The following PLD2 variants were observed in gnomAD, a reference collection of about 807,000 sequenced individuals.
PLD2 encodes the protein choline phosphatase 2.
In PLD2, 101 loss-of-function variants were observed where a neutral mutation model predicts 119.8. The observed-to-expected ratio is 0.84, with a 90% CI of 0.72 to 0.99. The LOEUF is 0.99. Ranked by LOEUF, PLD2 falls within the 50% of genes least tolerant of loss-of-function variation. PLD2 has a pLI of 0.00. For synonymous variants in PLD2, 494 were observed against 482.8 expected, an observed-to-expected ratio of 1.02 and a Z score of -0.30; for missense variants, 1,164 against 1,226.8, an observed-to-expected ratio of 0.95 and a Z score of 0.76.
At chr17:4,820,909 T>C (rs115330333) in intron 23 of PLD2, among the ~76,000 whole-genome samples, 3,776 of 140,992 alleles carry the variant, frequency 0.027, 167 homozygotes, top group African/African-American at 0.092. Flanking sequence ...TGTTTGTTTG[T>C]TTGTTTTCTT....
At position 4,822,729 on chromosome 17, in the gene PLD2, C is replaced by T. The variant is rs770400236; in HGVS notation, c.2667C>T (p.Pro889=). The change falls in exon 25 of 25, where the codon CCC becomes CCT. Residue 889 remains proline, a synonymous_variant. Coordinates refer to ENST00000263088, the MANE Select transcript of PLD2 (RefSeq NM_002663.5). ...TGGAGCCCTTGGCCACGGTCAGTCC[C>T]CCCTTGGCTCGGTCTGAGCTCACCC... The part of the protein sequence containing the change: ...VAVEPLATVS[P]PLARSELTQV... 17 of 1,613,974 alleles carry T rather than the reference C, an allele frequency of 1.1e-5. No individual in the cohort carries two copies. Among genetic ancestry groups the T allele is most frequent in the Non-Finnish European group, 1.4e-5 (17 of 1,179,828 alleles).
At position 4,821,823 on chromosome 17, in the gene PLD2, C is replaced by G; in HGVS notation, c.2493C>G (p.Asp831Glu). 1 of 1,613,982 alleles carries G rather than the reference C, an allele frequency of 6.2e-7. No individual in the cohort carries two copies. The highest frequency in any genetic ancestry group is 1.1e-5 in the South Asian group (1 of 91,086). Residue 831 changes from aspartate to glutamate, a missense_variant, in exon 24 of 25, where the codon GAC becomes GAG. By Grantham distance (45) the Asp-to-Glu change is conservative (BLOSUM62 2). Coordinates refer to ENST00000263088, the MANE Select transcript of PLD2 (RefSeq NM_002663.5). ...TTCTTGGAGCAAATACCCGGCCAGA[C>G]TTGGATCTCCGAGACCCCATCTGTG... is the stretch of plus-strand genomic sequence containing the variant. ...GVILGANTRPDLDLRDPICDD... is the reference protein window; with the variant it reads ...GVILGANTRPELDLRDPICDD...
rs918287346 is a variant in PLD2 at position 4,807,490 on chromosome 17, G to A, written c.-2+265G>A. 8 of 299,984 alleles carry A rather than the reference G, an allele frequency of 2.7e-5. No homozygotes were observed. The highest frequency in any genetic ancestry group is 5.1e-5 in the Non-Finnish European group (8 of 157,254). 18.6% of individuals were successfully genotyped at this position (299,984 alleles called of 1,614,324 possible). On this transcript the variant is annotated intron_variant, in intron 1 of 24. Coordinates refer to ENST00000263088, the MANE Select transcript of PLD2 (RefSeq NM_002663.5). This position sits in a 1 kb window ranked among gnomAD's most constrained non-coding sequence, Gnocchi z 5.4. ...CGCAGCTGCTGCGCCGCCCCAGGTC[G>A]GAGCCTTCCGGGCCTGGCTGGGTGT...
Position 4,819,672 on chromosome 17 carries a change from C to A in PLD2, c.2462+90C>A, listed in dbSNP as rs1391233961. On this transcript the variant is annotated intron_variant, in intron 23 of 24. Coordinates refer to ENST00000263088, the MANE Select transcript of PLD2 (RefSeq NM_002663.5). This position sits in a 1 kb window ranked among gnomAD's most constrained non-coding sequence, Gnocchi z 4.2. ...CAAGAGGTAGCACCGCATAGGTACT[C>A]CCGGAGCCAGAGGTAGAGGCAGTAC... 3.2e-6 allele frequency: 4 copies of A among 1,268,396 alleles called. No individual in the cohort carries two copies. In the Admixed American group the frequency reaches 6.9e-5, roughly 22 times the overall value. The allele number at this position is 1,268,396 out of a possible 1,614,324, so 78.6% of individuals were successfully genotyped here.
Position 4,808,220 on chromosome 17 carries a change from T to C in PLD2, c.241-54T>C. 6.3e-7 allele frequency: 1 copy of C among 1,598,112 alleles called. No individual in the cohort carries two copies. The highest frequency in any genetic ancestry group is 1.1e-5 in the South Asian group (1 of 89,732). ...GGGGCAAAAGGAGGGCTGGCCAGAGTGGGGAGGCGGGGACCCACGCAGGGG... is the reference window on the plus strand; with the variant it reads ...GGGGCAAAAGGAGGGCTGGCCAGAGCGGGGAGGCGGGGACCCACGCAGGGG... On this transcript the variant is annotated intron_variant, in intron 3 of 24. Coordinates refer to ENST00000263088, the MANE Select transcript of PLD2 (RefSeq NM_002663.5). This position sits in a 1 kb window ranked among gnomAD's most constrained non-coding sequence, Gnocchi z 4.1.
At chr17:4,817,317 A>C in intron 17 of PLD2, 58 bp downstream of exon 17, 4 of 1,071,430 alleles carry the variant, frequency 3.7e-6, no homozygotes, top group Non-Finnish European at 5.8e-6. Flanking sequence ...TAACACCCCA[A>C]CCCACTCTCC....
In PLD2 at chr17:4,822,494, A is replaced by C. The variant is rs554815990; in HGVS notation, c.2578-146A>C. 1.7e-4 allele frequency: 98 copies of C among 577,834 alleles called. No individual in the cohort carries two copies. In the African/African-American group the frequency reaches 1.7e-3, roughly 10 times the overall value. 35.8% of individuals were successfully genotyped at this position (577,834 alleles called of 1,614,324 possible). A position where few individuals can be genotyped will look rare whatever the true frequency, so the allele number is the denominator to read the frequency against. On this transcript the variant is annotated intron_variant, in intron 24 of 24. Coordinates refer to ENST00000263088, the MANE Select transcript of PLD2 (RefSeq NM_002663.5). ...GCAAAAAGAGTGAAACTCCGTCTCAAAAAAAAAAAGAGAGAGAGAGTTAGT... is the reference window on the plus strand; with the variant it reads ...GCAAAAAGAGTGAAACTCCGTCTCACAAAAAAAAAGAGAGAGAGAGTTAGT...
chr17:4,821,052 G>A (rs1462167301), intron 23 of PLD2, among the ~76,000 whole-genome samples: 2 of 150,988 alleles, frequency 1.3e-5, no homozygotes, highest in East Asian at 2.0e-4. Context: ...ACAGGCGCCC[G>A]CCACCATGCC....
In PLD2 at chr17:4,816,104, G is replaced by A. The variant is rs1050379721; in HGVS notation, c.1455+170G>A. On this transcript the variant is annotated intron_variant, in intron 14 of 24. Coordinates refer to ENST00000263088, the MANE Select transcript of PLD2 (RefSeq NM_002663.5). ...CACTTTGAAAGTGCTGTAACTGGCCGGGAGCCATGGCTTATGCCTGTAATC... is the reference window on the plus strand; with the variant it reads ...CACTTTGAAAGTGCTGTAACTGGCCAGGAGCCATGGCTTATGCCTGTAATC... Among the ~76,000 whole-genome samples, 19 of 152,264 alleles carry A rather than the reference G, an allele frequency of 1.2e-4. 1 individual carries two copies. The highest frequency in any genetic ancestry group is 3.9e-4 in the African/African-American group (16 of 41,554).
intron 10 of PLD2, among the ~76,000 whole-genome samples, chr17:4,813,982 T>C (rs1906717008): frequency 6.6e-6 from 1 of 152,368 alleles, no homozygotes; most frequent in Middle Eastern, 3.4e-3. Flanking sequence ...TTACCAGTGA[T>C]TTGAATTATT....
At chr17:4,817,966 A>T in intron 17 of PLD2, 36 bp from the exon 18 acceptor site, 1 of 1,455,602 alleles carries the variant, frequency 6.9e-7, no homozygotes, top group Non-Finnish European at 9.6e-7. Context: ...TTAAAAAAGA[A>T]AAGAAATGAA....
rs1300311496 is a variant in PLD2, at chr17:4,808,708, G to A, written c.383+292G>A. Among the ~76,000 whole-genome samples, 2 of 152,004 alleles carry A rather than the reference G, an allele frequency of 1.3e-5. No individual in the cohort carries two copies. The highest frequency in any genetic ancestry group is 2.9e-5 in the Non-Finnish European group (2 of 67,992). On this transcript the variant is annotated intron_variant, in intron 4 of 24. Coordinates refer to ENST00000263088, the MANE Select transcript of PLD2 (RefSeq NM_002663.5). The surrounding 1 kb of genome is among the most constrained non-coding windows in gnomAD (Gnocchi z 4.1). ...TTGCCAGCCTCTAGGCCTTTTGTTT[G>A]TTTTTTGTTTTTGTTTTGTACAAGG...
rs768368204 is a variant in PLD2 at position 4,809,515 on chromosome 17, A to G, written c.578A>G (p.Gln193Arg). The change falls in exon 7 of 25, where the codon CAG (glutamine) becomes CGG (arginine). Residue 193 changes from glutamine to arginine, a missense_variant. Physicochemically the swap from Gln to Arg is conservative, Grantham distance 43. Transcript: ENST00000263088. ...CAGACAGAGTTCCTGGAAGTCAGTC[A>G]GCTGTCCTTTATCCCGGACTTGGGC... is the stretch of plus-strand genomic sequence containing the variant. ...HAMTEFLEVSQLSFIPDLGRK... is the reference protein window; with the variant it reads ...HAMTEFLEVSRLSFIPDLGRK... 6.2e-7 allele frequency: 1 copy of G among 1,607,790 alleles called. No homozygotes were observed. The highest frequency in any genetic ancestry group is 2.2e-5 in the East Asian group (1 of 44,732).
intron 4 of PLD2, 34 bp from the exon 5 acceptor site, chr17:4,809,066 G>T (rs769971863): frequency 6.5e-7 from 1 of 1,540,670 alleles, no homozygotes; most frequent in Non-Finnish European, 9.0e-7. Flanking sequence ...CAGCCTCCCA[G>T]CTCTTACCTG....
chr17:4,814,555 C>T, intron 11 of PLD2, 54 bp downstream of exon 11: 2 of 1,612,640 alleles, frequency 1.2e-6, no homozygotes, highest in Non-Finnish European at 1.7e-6. Context: ...TGGGGCAGAT[C>T]AGCATTAGGA....
In PLD2 at chr17:4,809,295, C is replaced by G. The variant is rs1268912986; in HGVS notation, c.490-3C>G. The G allele has an allele frequency of 6.2e-7, 1 of 1,613,786 alleles. No individual in the cohort carries two copies. The highest frequency in any genetic ancestry group is 1.1e-5 in the South Asian group (1 of 91,072). ...CTCTCTCTCTCTCTCATCTCCACTTCAGAAATACCTGGAGAATTACCTCAA... is the reference window on the plus strand; with the variant it reads ...CTCTCTCTCTCTCTCATCTCCACTTGAGAAATACCTGGAGAATTACCTCAA... On this transcript the variant is annotated splice_region_variant and splice_polypyrimidine_tract_variant and intron_variant, in intron 5 of 24. Transcript: ENST00000263088.
chr17:4,814,496 C>CT lies in PLD2; in HGVS notation c.1090dup (p.Trp364LeufsTer6). On this transcript the variant is annotated frameshift_variant, in exon 11 of 25. Transcript: ENST00000263088. LOFTEE classifies it high-confidence loss of function. ...CTCAAGAGGAGATTTTCATCACAGA[C>CT]TGGTGGTGAGTGGGAAAAGGCCCCA... 6.2e-7 allele frequency: 1 copy of CT among 1,613,316 alleles called. No individual in the cohort carries two copies. The highest frequency in any genetic ancestry group is 8.5e-7 in the Non-Finnish European group (1 of 1,179,756).
chr17:4,811,069 C>G, intron 10 of PLD2, 118 bp downstream of exon 10: 1 of 932,272 alleles, frequency 1.1e-6, no homozygotes, highest in East Asian at 2.6e-5. Flanking sequence ...ATGACCCGCC[C>G]CGTGACTTCT....
Position 4,808,954 on chromosome 17 carries a change from C to T in PLD2, c.384-146C>T, listed in dbSNP as rs563254857. The T allele has an allele frequency of 4.1e-5, 28 of 678,854 alleles. No homozygotes were observed. The highest frequency in any genetic ancestry group is 6.6e-5 in the Non-Finnish European group (25 of 380,922). 42.1% of individuals were successfully genotyped at this position (678,854 alleles called of 1,614,324 possible). On this transcript the variant is annotated intron_variant, in intron 4 of 24. Coordinates refer to ENST00000263088, the MANE Select transcript of PLD2 (RefSeq NM_002663.5). This position sits in a 1 kb window ranked among gnomAD's most constrained non-coding sequence, Gnocchi z 4.1. ...AGTGATCCACCTGCTGCGGCCTCCC[C>T]AAGTGCTGGGATTCCAGGCGTGAGC...
Sources: allele counts gnomAD v4.1 joint callset (sites outside exome capture counted in the v4.1 genomes callset), GRCh38; gene constraint gnomAD v4.1.1; non-coding constraint Gnocchi (gnomAD v3.1); transcripts MANE v1.5; gene names NCBI Gene and HGNC (gene_info 2026-07-23, HGNC 2026-07-21).